The following ABCG5 variants were observed in gnomAD, a reference collection of about 807,000 sequenced individuals.
The protein encoded by ABCG5 is ATP binding cassette subfamily G member 5, also known as ATP-binding cassette sub-family G member 5.
Under a neutral mutation model 64.5 loss-of-function variants are expected in ABCG5, and 64 were observed. That is an observed-to-expected ratio of 0.99 (90% CI 0.81 to 1.22). The LOEUF is 1.22. Ranked by LOEUF, ABCG5 falls within the 50% of genes most tolerant of loss-of-function variation. The pLI is 0.00. For missense variants in ABCG5, 908 were observed against 829.5 expected (o/e 1.09, Z -1.16); for synonymous variants, 385 against 326.3 (o/e 1.18, Z -1.94).
At chr2:43,831,088 A>G (rs1443764300) in intron 4 of ABCG5, among the ~76,000 whole-genome samples, 1 of 152,252 alleles carries the variant, frequency 6.6e-6, no homozygotes, top group Non-Finnish European at 1.5e-5. Context: ...AAGTAAAAAG[A>G]AACAGGTGAA....
intron 10 of ABCG5, among the ~76,000 whole-genome samples, chr2:43,820,470 A>G (rs1667117306): frequency 6.6e-6 from 1 of 151,510 alleles, no homozygotes; most frequent in Non-Finnish European, 1.5e-5. Context: ...ACACCTACCT[A>G]ATGTTAAAGG....
intron 9 of ABCG5, among the ~76,000 whole-genome samples, chr2:43,823,153 A>C (rs56120915): frequency 3.3e-5 from 5 of 152,146 alleles, no homozygotes; most frequent in Admixed American, 3.3e-4. Context: ...ATTGCAAAAG[A>C]TGTCATTTAT....
At chr2:43,826,957 A>G (rs1040433154) in intron 5 of ABCG5, among the ~76,000 whole-genome samples, 1 of 152,246 alleles carries the variant, frequency 6.6e-6, no homozygotes, top group Admixed American at 6.5e-5. Flanking sequence ...AAATCTGACG[A>G]ATAAAACAAG....
intron 10 of ABCG5, 43 bp from the exon 11 acceptor site, chr2:43,820,143 C>A: frequency 6.3e-7 from 1 of 1,586,644 alleles, no homozygotes; most frequent in East Asian, 2.3e-5. Context: ...CAAGGGCTAT[C>A]ATTTAAGAAA....
rs1332813978 is a variant in ABCG5 at position 43,820,037 on chromosome 2, G to C, written c.1527C>G (p.Pro509=). ...FGYFSAALLA[P]HLIGEFLTLV... is the part of the protein sequence containing the mutation. Reference sequence around the variant, plus strand: ...GAGTTAGAAATTCACCAATTAAGTGGGGGGCCAAGAGAGCAGCAGAAAAAT... The same window carrying C: ...GAGTTAGAAATTCACCAATTAAGTGCGGGGCCAAGAGAGCAGCAGAAAAAT... The change falls in exon 11 of 13, where the codon CCC becomes CCG. Residue 509 remains proline (P), a synonymous_variant. Coordinates refer to ENST00000405322, the MANE Select transcript of ABCG5 (RefSeq NM_022436.3). The C allele has an allele frequency of 6.2e-7, 1 of 1,614,164 alleles. No homozygotes were observed. Among genetic ancestry groups the C allele is most frequent in the East Asian group, 2.2e-5 (1 of 44,890 alleles).
rs564629788 is a variant in ABCG5 at position 43,816,689 on chromosome 2, A to G, written c.1650-2100T>C. Among the ~76,000 whole-genome samples, 18 of 152,308 alleles carry G rather than the reference A, an allele frequency of 1.2e-4. No homozygotes were observed. In the South Asian group the frequency reaches 3.7e-3, roughly 32 times the overall value. ...CTCCTGAGTAGCTGAAATTACAGGC[A>G]CGTGACACCACACCCACCTAATTCA... On this transcript the variant is annotated intron_variant, in intron 11 of 12. Coordinates refer to ENST00000405322, the MANE Select transcript of ABCG5 (RefSeq NM_022436.3).
At chr2:43,827,365 T>C (rs1357762286) in intron 5 of ABCG5, among the ~76,000 whole-genome samples, 1 of 150,306 alleles carries the variant, frequency 6.7e-6, no homozygotes, top group Admixed American at 6.6e-5. Context: ...GTTAAAAACA[T>C]CTCTCTTATT....
intron 7 of ABCG5, 120 bp downstream of exon 7, chr2:43,824,769 T>C: frequency 6.6e-7 from 1 of 1,506,142 alleles, no homozygotes; most frequent in South Asian, 1.2e-5. Flanking sequence ...CCTTGAAGAG[T>C]ATAAAACACA....
At position 43,812,530 on chromosome 2, in the gene ABCG5, G is replaced by A. The variant is rs2104737979; in HGVS notation, c.*586C>T. The A allele has an allele frequency of 6.5e-6, 1 of 153,076 alleles. No individual in the cohort carries two copies. Among genetic ancestry groups the A allele is most frequent in the East Asian group, 1.9e-4 (1 of 5,192 alleles). The allele number at this position is 153,076 out of a possible 1,614,324, so 9.5% of individuals were successfully genotyped here. On this transcript the variant is annotated 3_prime_UTR_variant, in exon 13 of 13. Transcript: ENST00000405322. ...TTAATCCTCAGTAAAATCACTGGGT[G>A]CTCTGTAGCAGTGGTGCTCACCATC...
intron 6 of ABCG5, among the ~76,000 whole-genome samples, chr2:43,825,837 C>A (rs1667564138): frequency 6.6e-6 from 1 of 152,174 alleles, no homozygotes; most frequent in African/African-American, 2.4e-5. Context: ...TGAAACACAC[C>A]TCATAGGAGT....
intron 4 of ABCG5, among the ~76,000 whole-genome samples, chr2:43,830,689 C>T (rs186606845): frequency 7.5e-6 from 1 of 133,232 alleles, no homozygotes; most frequent in Non-Finnish European, 1.7e-5. Context: ...CGGGAGTTCT[C>T]CTGCTCCCAG....
Position 43,838,506 on chromosome 2 carries a change from G to A in ABCG5, c.143+31C>T. The A allele has an allele frequency of 1.9e-6, 3 of 1,577,592 alleles. No homozygotes were observed. Among genetic ancestry groups the A allele is most frequent in the Non-Finnish European group, 2.6e-6 (3 of 1,161,552 alleles). On this transcript the variant is annotated intron_variant, in intron 1 of 12. Transcript: ENST00000405322. This position sits in a 1 kb window ranked among gnomAD's most constrained non-coding sequence, Gnocchi z 4.2. ...TGAGCGCCGGGCCCCGCACTCCTGG[G>A]GGAGCAGCAGCAGCAAGGGCTCTGC...
downstream of ABCG5, among the ~76,000 whole-genome samples, chr2:43,811,664 G>T (rs1666485232): frequency 6.6e-6 from 1 of 150,800 alleles, no homozygotes; most frequent in African/African-American, 2.4e-5. Context: ...GTGCATTCTC[G>T]GCTCACTGCA....
intron 2 of ABCG5, among the ~76,000 whole-genome samples, chr2:43,836,371 T>A (rs1472352259): frequency 2.6e-5 from 4 of 152,184 alleles, no homozygotes; most frequent in African/African-American, 9.6e-5. Flanking sequence ...TAGACTTCAA[T>A]GGAGTCCCCA....
chr2:43,838,814 G>A lies in ABCG5; in HGVS notation c.-135C>T. On this transcript the variant is annotated 5_prime_UTR_variant, in exon 1 of 13. Coordinates refer to ENST00000405322, the MANE Select transcript of ABCG5 (RefSeq NM_022436.3). The surrounding 1 kb of genome is among the most constrained non-coding windows in gnomAD (Gnocchi z 4.2). ...GGAGTCCCTTGGGACAGCAGGACTG[G>A]GACTTGGCCACGGAGACCATTATCT... 3 of 1,505,870 alleles carry A rather than the reference G, an allele frequency of 2.0e-6. No homozygotes were observed. Among genetic ancestry groups the A allele is most frequent in the Middle Eastern group, 1.9e-4 (1 of 5,344 alleles). The allele number at this position is 1,505,870 out of a possible 1,614,324, so 93.3% of individuals were successfully genotyped here.
intron 4 of ABCG5, among the ~76,000 whole-genome samples, chr2:43,828,696 C>A (rs1490873741): frequency 4.0e-5 from 6 of 150,564 alleles, no homozygotes; most frequent in South Asian, 2.1e-4. Flanking sequence ...CCTGGCATGG[C>A]GGCTTATGCC....
chr2:43,828,961 A>G (rs1385128496), intron 4 of ABCG5, among the ~76,000 whole-genome samples: 2 of 151,870 alleles, frequency 1.3e-5, no homozygotes, highest in African/African-American at 2.4e-5. Context: ...CGAGACTCCG[A>G]TTCAAAAAAA....
At chr2:43,827,935 C>A (rs757156347) in intron 5 of ABCG5, 48 bp downstream of exon 5, 47 of 1,611,332 alleles carry the variant, frequency 2.9e-5, no homozygotes, top group Non-Finnish European at 3.8e-5. Flanking sequence ...TGCACACACA[C>A]AGAAGATGCC....
At chr2:43,820,349 A>T (rs553485857) in intron 10 of ABCG5, among the ~76,000 whole-genome samples, 1 of 152,330 alleles carries the variant, frequency 6.6e-6, no homozygotes, top group African/African-American at 2.4e-5. Flanking sequence ...TTCAGCTCTC[A>T]TAGGAAAACA....
Sources: allele counts gnomAD v4.1 joint callset (sites outside exome capture counted in the v4.1 genomes callset), GRCh38; gene constraint gnomAD v4.1.1; non-coding constraint Gnocchi (gnomAD v3.1); transcripts MANE v1.5; gene names NCBI Gene and HGNC (gene_info 2026-07-23, HGNC 2026-07-21).